The following YAP1 variants were observed in gnomAD, a reference collection of about 807,000 sequenced individuals.
YAP1 encodes Yes1 associated transcriptional regulator.
A neutral mutation model predicts 56.9 loss-of-function variants in YAP1; 5 were observed. That is an observed-to-expected ratio of 0.09 (90% confidence interval 0.05 to 0.18). The LOEUF (loss-of-function observed/expected upper bound fraction) is 0.18, where lower values mean the gene tolerates loss of function less well. Among genes scored for constraint, YAP1 ranks in the 10% least tolerant of loss-of-function variants. The pLI, the probability that YAP1 is intolerant of heterozygous loss-of-function variation, is 1.00. For missense variants in YAP1, 539 were observed against 651.8 expected (o/e 0.83, Z 1.88); for synonymous variants, 265 against 248.1 (o/e 1.07, Z -0.64).
At position 102,114,256 on chromosome 11, in the gene YAP1, C is replaced by G. The variant is rs1288900479; in HGVS notation, c.434C>G (p.Thr145Ser). The change falls in exon 2 of 9, where the codon ACT becomes AGT. Residue 145 changes from threonine to serine, a missense_variant. By Grantham distance (58) the Thr-to-Ser change is moderately conservative. Transcript: ENST00000282441. Reference protein sequence around the residue: ...GAVSPGTLTPTGVVSGPAATP... With the variant: ...GAVSPGTLTPSGVVSGPAATP... ...GTTTCTCCTGGGACACTGACCCCCA[C>G]TGGAGTAGTCTCTGGCCCAGCAGCT... is the stretch of plus-strand genomic sequence containing the variant. The G allele has an allele frequency of 2.5e-6, 4 of 1,614,076 alleles. No individual in the cohort carries two copies. Among genetic ancestry groups the G allele is most frequent in the Non-Finnish European group, 2.5e-6 (3 of 1,180,028 alleles).
intron 2 of YAP1, among the ~76,000 whole-genome samples, chr11:102,162,249 C>T (rs1414136486): frequency 6.6e-6 from 1 of 152,082 alleles, no homozygotes; most frequent in African/African-American, 2.4e-5. Flanking sequence ...TCAGATGTTG[C>T]ACTTGTAAGA....
At chr11:102,124,753 A>AG (rs1256437840) in intron 2 of YAP1, among the ~76,000 whole-genome samples, 1 of 151,888 alleles carries the variant, frequency 6.6e-6, no homozygotes, top group Non-Finnish European at 1.5e-5. Context: ...ATGATGTGGG[A>AG]GGGGGGCGGT....
At chr11:102,111,593 CG>C (rs1274136712) in intron 1 of YAP1, among the ~76,000 whole-genome samples, 3 of 137,236 alleles carry the variant, frequency 2.2e-5, no homozygotes, top group Middle Eastern at 3.5e-3. Context: ...TCGCTCCCGC[CG>C]GGCCGGGCTG....
intron 4 of YAP1, among the ~76,000 whole-genome samples, chr11:102,198,943 T>C (rs1181407048): frequency 6.6e-6 from 1 of 152,186 alleles, no homozygotes; most frequent in Admixed American, 6.5e-5. Context: ...TGCATATTTT[T>C]GTAAATCATA....
intron 6 of YAP1, among the ~76,000 whole-genome samples, chr11:102,219,129 T>C (rs1949798024): frequency 6.6e-6 from 1 of 152,238 alleles, no homozygotes; most frequent in Admixed American, 6.5e-5. Flanking sequence ...TGAGAGTCTT[T>C]AGAATATTCT....
At chr11:102,191,652 G>T (rs1318291633) in intron 4 of YAP1, among the ~76,000 whole-genome samples, 1 of 152,054 alleles carries the variant, frequency 6.6e-6, no homozygotes, top group Non-Finnish European at 1.5e-5. Context: ...AAGATAATGA[G>T]TTTTTCTTTT....
chr11:102,114,173 C>G lies in YAP1; in HGVS notation c.351C>G (p.Ala117=), dbSNP rs1943136548. 2 of 1,613,922 alleles carry G rather than the reference C, an allele frequency of 1.2e-6. No individual in the cohort carries two copies. The highest frequency in any genetic ancestry group is 1.7e-6 in the Non-Finnish European group (2 of 1,179,848). The change falls in exon 2 of 9, where the codon GCC becomes GCG. Residue 117 remains alanine (A), a synonymous_variant. Coordinates refer to ENST00000282441, the MANE Select transcript of YAP1 (RefSeq NM_001130145.3). ...GTACTGATGCAGGCACTGCAGGAGC[C>G]CTGACTCCACAGCATGTTCGAGCTC... is the stretch of plus-strand genomic sequence containing the variant. ...QASTDAGTAG[A]LTPQHVRAHS... is the part of the protein sequence containing the mutation.
At chr11:102,129,870 T>C (rs964135262) in intron 2 of YAP1, among the ~76,000 whole-genome samples, 1 of 145,730 alleles carries the variant, frequency 6.9e-6, no homozygotes, top group Non-Finnish European at 1.5e-5. Context: ...TGGCACTATC[T>C]CAGCTCACTG....
intron 6 of YAP1, among the ~76,000 whole-genome samples, chr11:102,217,793 G>A (rs886205220): frequency 6.6e-6 from 1 of 151,966 alleles, no homozygotes; most frequent in East Asian, 1.9e-4. Flanking sequence ...GGGTTCAAGC[G>A]ATTCTCCTGC....
chr11:102,217,029 T>C (rs1949702833), intron 6 of YAP1, among the ~76,000 whole-genome samples: 1 of 152,216 alleles, frequency 6.6e-6, no homozygotes, highest in African/African-American at 2.4e-5. Context: ...TAAGTAAAAC[T>C]AAGGGTCCCA....
At chr11:102,164,896 AT>A (rs1046159217) in intron 3 of YAP1, among the ~76,000 whole-genome samples, 2 of 152,000 alleles carry the variant, frequency 1.3e-5, no homozygotes, top group African/African-American at 4.8e-5. Context: ...CTAATTTTGT[AT>A]TTTTAGTAGA....
intron 2 of YAP1, among the ~76,000 whole-genome samples, chr11:102,125,746 G>C (rs1943999448): frequency 6.6e-6 from 1 of 152,064 alleles, no homozygotes; most frequent in Non-Finnish European, 1.5e-5. Flanking sequence ...TTAATAACAT[G>C]CTGTTCTTAT....
intron 2 of YAP1, among the ~76,000 whole-genome samples, chr11:102,148,946 ATTTG>A (rs1945475073): frequency 6.6e-6 from 1 of 152,136 alleles, no homozygotes; most frequent in African/African-American, 2.4e-5. Context: ...AGTTATAACT[ATTTG>A]TTGTTCCACT....
intron 3 of YAP1, among the ~76,000 whole-genome samples, chr11:102,167,732 CAAAA>C (rs891917242): frequency 4.7e-5 from 7 of 150,322 alleles, no homozygotes; most frequent in African/African-American, 1.5e-4. Context: ...GACTCCATCT[CAAAA>C]AAAAAGTCAT....
At position 102,232,758 on chromosome 11, in the gene YAP1, T is replaced by C. The variant is rs777641910; in HGVS notation, c.*2818T>C. ...CTTTAAATTTATCAACTTTTTACAT[T>C]TGTGTTATTTTCAGTCAGGGCTTCT... is the stretch of plus-strand genomic sequence containing the variant. On this transcript the variant is annotated 3_prime_UTR_variant, in exon 9 of 9. Transcript: ENST00000282441. 2 of 152,640 alleles carry C rather than the reference T, an allele frequency of 1.3e-5. No homozygotes were observed. The highest frequency in any genetic ancestry group is 6.5e-5 in the Admixed American group (1 of 15,278). 9.5% of individuals were successfully genotyped at this position (152,640 alleles called of 1,614,324 possible).
In YAP1 at chr11:102,217,401, A is replaced by G. The variant is rs79122619; in HGVS notation, c.1033-6221A>G. On this transcript the variant is annotated intron_variant, in intron 6 of 8. Coordinates refer to ENST00000282441, the MANE Select transcript of YAP1 (RefSeq NM_001130145.3). ...CCAAGAGAAACGAAAGCATGTTTCT[A>G]CACAAAGCCAAAATGTAGAAATAAC... is the stretch of plus-strand genomic sequence containing the variant. Among the ~76,000 whole-genome samples the G allele has an allele frequency of 3.2e-3, 486 of 152,316 alleles. 1 individual carries two copies. The highest frequency in any genetic ancestry group is 0.011 in the African/African-American group (463 of 41,570).
chr11:102,172,340 G>T (rs1388833088), intron 3 of YAP1, among the ~76,000 whole-genome samples: 5 of 122,776 alleles, frequency 4.1e-5, no homozygotes, highest in Non-Finnish European at 8.2e-5. Flanking sequence ...GACACAGGGT[G>T]TTGCTCCACC....
intron 2 of YAP1, among the ~76,000 whole-genome samples, chr11:102,131,890 G>A (rs1452584978): frequency 6.6e-6 from 1 of 152,132 alleles, no homozygotes; most frequent in African/African-American, 2.4e-5. Flanking sequence ...AGGATTAAAT[G>A]AGTAAGAAAT....
intron 6 of YAP1, among the ~76,000 whole-genome samples, chr11:102,210,201 C>T (rs1949328400): frequency 6.6e-6 from 1 of 152,156 alleles, no homozygotes. Context: ...ACTTGTCTGA[C>T]TCGTGGGAAG....
Sources: allele counts gnomAD v4.1 joint callset (sites outside exome capture counted in the v4.1 genomes callset), GRCh38; gene constraint gnomAD v4.1.1; transcripts MANE v1.5; gene names NCBI Gene and HGNC (gene_info 2026-07-23, HGNC 2026-07-21).